The following FGF2 variants were observed in gnomAD, a reference collection of about 807,000 sequenced individuals.
FGF2 encodes basic fibroblast growth factor bFGF.
Under a neutral mutation model 15.9 loss-of-function variants are expected in FGF2, and 13 were observed. The ratio of observed to expected loss-of-function variants is 0.82; its 90% CI spans 0.53 to 1.30. FGF2 has a LOEUF of 1.30. Among genes scored for constraint, FGF2 ranks in the 50% most tolerant of loss-of-function variants. The pLI, the probability that FGF2 is intolerant of heterozygous loss-of-function variation, is 0.00. For missense variants in FGF2, 163 were observed against 196.9 expected (o/e 0.83, Z 1.03); for synonymous variants, 90 against 78.4 (o/e 1.15, Z -0.78).
At chr4:122,869,171 C>T (rs1484098436) in intron 1 of FGF2, among the ~76,000 whole-genome samples, 1 of 151,828 alleles carries the variant, frequency 6.6e-6, no homozygotes, top group African/African-American at 2.4e-5. Flanking sequence ...TTGTTGAGGT[C>T]TCTGCTCTGC....
intron 1 of FGF2, among the ~76,000 whole-genome samples, chr4:122,839,257 T>C (rs1411610883): frequency 6.6e-6 from 1 of 152,214 alleles, no homozygotes; most frequent in African/African-American, 2.4e-5. Context: ...TATAGTCTTA[T>C]GGGACCACTG....
Position 122,892,395 on chromosome 4 carries a change from G to A in FGF2, c.467G>A (p.Ter156=), listed in dbSNP as rs1727211193. The A allele has an allele frequency of 6.2e-7, 1 of 1,613,772 alleles. No individual in the cohort carries two copies. The highest frequency in any genetic ancestry group is 1.3e-5 in the African/African-American group (1 of 74,902). ...ILFLPMSAKS[*] ...TTTCTTCCAATGTCTGCTAAGAGCT[G>A]ATTTTAATGGCCACATCTAATCTCA... Residue 156 remains the stop codon, a stop_retained_variant, in exon 3 of 3, where the codon TGA becomes TAA. Coordinates refer to ENST00000644866, the MANE Select transcript of FGF2 (RefSeq NM_001361665.2).
rs1204018373 is a variant in FGF2, at chr4:122,892,213, A to G, written c.285A>G (p.Lys95=). 6.2e-7 allele frequency: 1 copy of G among 1,608,180 alleles called. No individual in the cohort carries two copies. The highest frequency in any genetic ancestry group is 2.2e-5 in the East Asian group (1 of 44,852). Reference sequence around the variant, plus strand: ...GTAATTCTTCCTTTATTTTTCAGAAATGTGTTACGGATGAGTGTTTCTTTT... The same window carrying G: ...GTAATTCTTCCTTTATTTTTCAGAAGTGTGTTACGGATGAGTGTTTCTTTT... ...MKEDGRLLAS[K]CVTDECFFFE... is the part of the protein sequence containing the mutation. The change falls in exon 3 of 3, where the codon AAA becomes AAG. Residue 95 remains lysine (K), a splice_region_variant and synonymous_variant. Coordinates refer to ENST00000644866, the MANE Select transcript of FGF2 (RefSeq NM_001361665.2).
rs765178237 is a variant in FGF2, at chr4:122,893,033, A to G, written c.*637A>G. 6.2e-7 allele frequency: 1 copy of G among 1,614,168 alleles called. No homozygotes were observed. On this transcript the variant is annotated 3_prime_UTR_variant, in exon 3 of 3. Transcript: ENST00000644866. ...AGTCTTCGCCAGGTCATTGAGATCC[A>G]TCCACTCACATCTTAAGCATTCTTC...
chr4:122,883,950 C>T (rs894536417), intron 2 of FGF2, among the ~76,000 whole-genome samples: 5 of 152,064 alleles, frequency 3.3e-5, no homozygotes, highest in Admixed American at 6.5e-5. Flanking sequence ...ATTGAGGGGC[C>T]TTCACAATGA....
chr4:122,872,642 A>G (rs1206761110), intron 1 of FGF2, among the ~76,000 whole-genome samples: 1 of 152,246 alleles, frequency 6.6e-6, no homozygotes, highest in Non-Finnish European at 1.5e-5. Flanking sequence ...CAGGTCACCT[A>G]CAAAGGGAAG....
chr4:122,875,586 G>A (rs1236767512), intron 1 of FGF2, among the ~76,000 whole-genome samples: 4 of 151,986 alleles, frequency 2.6e-5, no homozygotes, highest in East Asian at 3.9e-4. Context: ...AGGCAGGTGG[G>A]TCACGAGGTC....
chr4:122,868,565 G>C (rs954746416), intron 1 of FGF2, among the ~76,000 whole-genome samples: 1 of 152,148 alleles, frequency 6.6e-6, no homozygotes, highest in African/African-American at 2.4e-5. Context: ...ATTGTGAATA[G>C]TGCTGCAATA....
At chr4:122,840,431 T>C (rs1182217824) in intron 1 of FGF2, 1 of 152,374 alleles carries the variant, frequency 6.6e-6, no homozygotes, top group Non-Finnish European at 1.5e-5. Context: ...GCCCGATGCA[T>C]GGCCAAGTAC....
upstream of FGF2, chr4:122,826,798 A>G: frequency 7.0e-7 from 1 of 1,427,604 alleles, no homozygotes; most frequent in Non-Finnish European, 9.3e-7. Context: ...GGGGGTGGAG[A>G]TGTAGAAGAT....
At chr4:122,860,579 C>T (rs956770510) in intron 1 of FGF2, among the ~76,000 whole-genome samples, 7 of 151,290 alleles carry the variant, frequency 4.6e-5, no homozygotes, top group South Asian at 2.1e-4. Context: ...CCTCAGCCTC[C>T]CAAGTAGCTG....
chr4:122,863,611 C>G (rs1726516028), intron 1 of FGF2, among the ~76,000 whole-genome samples: 1 of 152,168 alleles, frequency 6.6e-6, no homozygotes, highest in Non-Finnish European at 1.5e-5. Flanking sequence ...AGAAATATTC[C>G]CAGCCTTTTC....
chr4:122,881,143 G>A (rs1378195012), intron 2 of FGF2, among the ~76,000 whole-genome samples: 2 of 152,154 alleles, frequency 1.3e-5, no homozygotes, highest in Non-Finnish European at 2.9e-5. Context: ...ATAGCAGAGG[G>A]ACCCTGAGCC....
chr4:122,843,267 C>A (rs986618006), intron 1 of FGF2, among the ~76,000 whole-genome samples: 8 of 152,054 alleles, frequency 5.3e-5, no homozygotes. Context: ...GCAGACAGGG[C>A]GGGGAAGGGC....
Position 122,892,819 on chromosome 4 carries a change from A to C in FGF2, c.*423A>C. ...TAGTCTACATGTTTCTAAACATATA[A>C]ATGTGAATTTAATCAATTCCTTTCA... is the stretch of plus-strand genomic sequence containing the variant. On this transcript the variant is annotated 3_prime_UTR_variant, in exon 3 of 3. Transcript: ENST00000644866. 1 of 1,580,222 alleles carries C rather than the reference A, an allele frequency of 6.3e-7. No individual in the cohort carries two copies. Among genetic ancestry groups the C allele is most frequent in the Non-Finnish European group, 8.6e-7 (1 of 1,158,694 alleles).
At position 122,897,728 on chromosome 4, in the gene FGF2, C is replaced by T; in HGVS notation, c.*5332C>T. The T allele has an allele frequency of 1.6e-6, 2 of 1,213,228 alleles. No individual in the cohort carries two copies. Among genetic ancestry groups the T allele is most frequent in the Non-Finnish European group, 2.5e-6 (2 of 814,742 alleles). 75.2% of individuals were successfully genotyped at this position (1,213,228 alleles called of 1,614,324 possible). A position where few individuals can be genotyped will look rare whatever the true frequency, so the allele number is the denominator to read the frequency against. ...AGTTAACATAACTTTCACTAACACA[C>T]ACATATGTAGATTTCACAAAATCCA... On this transcript the variant is annotated 3_prime_UTR_variant, in exon 3 of 3. Transcript: ENST00000644866.
intron 1 of FGF2, among the ~76,000 whole-genome samples, chr4:122,848,501 C>T (rs970563309): frequency 6.6e-6 from 1 of 152,124 alleles, no homozygotes; most frequent in Non-Finnish European, 1.5e-5. Context: ...GACTTGTGGT[C>T]ACAGCAGTAA....
In FGF2 at chr4:122,827,213, C is replaced by G; in HGVS notation, c.39C>G (p.Pro13=). Residue 13 remains proline, a synonymous_variant, in exon 1 of 3, where the codon CCC becomes CCG. Transcript: ENST00000644866. The surrounding 1 kb of genome is among the most constrained non-coding windows in gnomAD (Gnocchi z 4.2). The part of the protein sequence containing the change: ...AGSITTLPAL[P]EDGGSGAFPP... ...GCATCACCACGCTGCCCGCCTTGCC[C>G]GAGGATGGCGGCAGCGGCGCCTTCC... is the stretch of plus-strand genomic sequence containing the variant. 12 of 1,609,844 alleles carry G rather than the reference C, an allele frequency of 7.5e-6. No individual in the cohort carries two copies. The highest frequency in any genetic ancestry group is 1.0e-5 in the Non-Finnish European group (12 of 1,178,938).
At chr4:122,866,491 A>G (rs866541241) in intron 1 of FGF2, among the ~76,000 whole-genome samples, 9 of 152,350 alleles carry the variant, frequency 5.9e-5, no homozygotes, top group Non-Finnish European at 8.8e-5. Flanking sequence ...TTTCAACTCA[A>G]TAATAAAAAG....
Sources: allele counts gnomAD v4.1 joint callset (sites outside exome capture counted in the v4.1 genomes callset), GRCh38; gene constraint gnomAD v4.1.1; non-coding constraint Gnocchi (gnomAD v3.1); transcripts MANE v1.5; gene names NCBI Gene and HGNC (gene_info 2026-07-23, HGNC 2026-07-21).